The following PHC3 variants were observed in gnomAD, a reference collection of about 807,000 sequenced individuals.
PHC3 encodes the protein polyhomeotic-like protein 3.
PHC3 carries 13 observed loss-of-function variants against 107.4 expected under a neutral mutation model. That is an observed-to-expected ratio of 0.12 (90% CI 0.08 to 0.19). The LOEUF is 0.19. Among genes scored for constraint, PHC3 ranks in the 10% least tolerant of loss-of-function variants. The pLI, the probability that PHC3 is intolerant of heterozygous loss-of-function variation, is 1.00. For missense variants in PHC3, 992 were observed against 1,210.9 expected, an observed-to-expected ratio of 0.82 and a Z score of 2.68; for synonymous variants, 456 against 427.4, an observed-to-expected ratio of 1.07 and a Z score of -0.83.
chr3:170,127,174 T>C (rs185828089), intron 8 of PHC3, among the ~76,000 whole-genome samples: 62 of 152,300 alleles, frequency 4.1e-4, no homozygotes, highest in African/African-American at 1.3e-3. Flanking sequence ...ATAAACTTTT[T>C]AAAAATTTTT....
chr3:170,110,079 A>G (rs1233663748), intron 11 of PHC3, among the ~76,000 whole-genome samples: 1 of 152,136 alleles, frequency 6.6e-6, no homozygotes, highest in African/African-American at 2.4e-5. Flanking sequence ...TCCTGCTGAT[A>G]TGATAACATC....
At chr3:170,171,066 A>C in intron 4 of PHC3, 1 of 401,346 alleles carries the variant, frequency 2.5e-6, no homozygotes, top group Non-Finnish European at 4.4e-6. Flanking sequence ...CATGGCCAAT[A>C]TCCCTGCATT....
rs1164901796 is a variant in PHC3 at position 170,093,467 on chromosome 3, G to A, written c.*3763C>T. On this transcript the variant is annotated 3_prime_UTR_variant, in exon 15 of 15. Transcript: ENST00000495893. ...TACATCTTTAAAACATTTTAACAGT[G>A]TGTCCAGTCAGTTTCATCCACTGGA... 1 of 152,180 alleles carries A rather than the reference G, an allele frequency of 6.6e-6. No homozygotes were observed. The highest frequency in any genetic ancestry group is 1.5e-5 in the Non-Finnish European group (1 of 68,044). The allele number at this position is 152,180 out of a possible 1,614,324, so 9.4% of individuals were successfully genotyped here. A position where few individuals can be genotyped will look rare whatever the true frequency, so the allele number is the denominator to read the frequency against.
chr3:170,134,480 G>A (rs1055792470), intron 7 of PHC3, among the ~76,000 whole-genome samples: 1 of 152,038 alleles, frequency 6.6e-6, no homozygotes, highest in Non-Finnish European at 1.5e-5. Flanking sequence ...GTGAGCTACC[G>A]CGCCCAGCTT....
At chr3:170,128,370 C>G (rs1721693118) in intron 8 of PHC3, 1 of 1,316,470 alleles carries the variant, frequency 7.6e-7, no homozygotes, top group African/African-American at 1.5e-5. Flanking sequence ...GCAGATGACA[C>G]TGGTTCAAAT....
chr3:170,102,529 G>T lies in PHC3; in HGVS notation c.2783C>A (p.Pro928Gln). 6.2e-7 allele frequency: 1 copy of T among 1,613,788 alleles called. No homozygotes were observed. Among genetic ancestry groups the T allele is most frequent in the Non-Finnish European group, 8.5e-7 (1 of 1,179,822 alleles). The change falls in exon 14 of 15, where the codon CCA becomes CAA. Residue 928 changes from proline to glutamine, a missense_variant. Around this residue, in one of 6 missense-constraint regions of PHC3, gnomAD observed 228 missense variants for 288.8 expected, o/e 0.79. Transcript: ENST00000495893. ...GACATCATCAACTGTCCATATAGAT[G>T]GCTCTGTTTGTGCAACTGGTAGCAA... Reference protein sequence around the residue: ...SDLLPVAQTEPSIWTVDDVWA... With the variant: ...SDLLPVAQTEQSIWTVDDVWA...
intron 8 of PHC3, among the ~76,000 whole-genome samples, chr3:170,124,187 C>A (rs1720897780): frequency 6.6e-6 from 1 of 152,038 alleles, no homozygotes; most frequent in Admixed American, 6.5e-5. Context: ...AAGAACACTT[C>A]TAGAGGTTGA....
Position 170,117,327 on chromosome 3 carries a change from G to A in PHC3, c.2092C>T (p.Pro698Ser), listed in dbSNP as rs1320237643. The A allele has an allele frequency of 3.1e-6, 5 of 1,613,800 alleles. No individual in the cohort carries two copies. Among genetic ancestry groups the A allele is most frequent in the Non-Finnish European group, 4.2e-6 (5 of 1,179,880 alleles). Residue 698 changes from proline (P) to serine (S), a missense_variant, in exon 10 of 15, where the codon CCC becomes TCC. Physicochemically the swap from Pro to Ser is moderately conservative, Grantham distance 74. This residue lies in a region of PHC3 where 543 missense variants were observed against 590.8 expected (regional missense o/e 0.92). Coordinates refer to ENST00000495893, the MANE Select transcript of PHC3 (RefSeq NM_024947.4). Reference protein sequence around the residue: ...SNSTSMHSSIPSIENKPPQAI... With the variant: ...SNSTSMHSSISSIENKPPQAI... The stretch of plus-strand genomic sequence containing the variant: ...TGTGGAGGTTTGTTCTCTATACTGG[G>A]AATGCTACTGTGCATAGATGTACTG...
chr3:170,140,490 G>T (rs750378560), intron 6 of PHC3, among the ~76,000 whole-genome samples: 7 of 150,804 alleles, frequency 4.6e-5, no homozygotes, highest in African/African-American at 1.7e-4. Context: ...CTGGCCTCAA[G>T]TGATCCACCC....
At chr3:170,099,983 G>A (rs1449754002) in intron 14 of PHC3, among the ~76,000 whole-genome samples, 1 of 152,148 alleles carries the variant, frequency 6.6e-6, no homozygotes, top group Non-Finnish European at 1.5e-5. Context: ...TTGAAAATAA[G>A]AATTATTCCT....
In PHC3 at chr3:170,115,570, A is replaced by G. The variant is rs199884037; in HGVS notation, c.2193+1656T>C. Among the ~76,000 whole-genome samples the G allele has an allele frequency of 1.4e-4, 21 of 152,328 alleles. No homozygotes were observed. In the East Asian group the frequency reaches 3.3e-3, roughly 24 times the overall value. ...ATCATTTGCCCTGTACATTTCCCAAATCTTCCATTTAGAACATGTATTAGT... is the reference window on the plus strand; with the variant it reads ...ATCATTTGCCCTGTACATTTCCCAAGTCTTCCATTTAGAACATGTATTAGT... On this transcript the variant is annotated intron_variant, in intron 10 of 14. Coordinates refer to ENST00000495893, the MANE Select transcript of PHC3 (RefSeq NM_024947.4).
intron 6 of PHC3, among the ~76,000 whole-genome samples, chr3:170,140,797 C>T (rs1022215182): frequency 6.6e-6 from 1 of 151,554 alleles, no homozygotes; most frequent in Admixed American, 6.6e-5. Flanking sequence ...GGGATTTCAC[C>T]ATGTTGGCCA....
At chr3:170,175,623 GAA>G (rs1243372877) in intron 2 of PHC3, among the ~76,000 whole-genome samples, 2 of 109,826 alleles carry the variant, frequency 1.8e-5, no homozygotes, top group Non-Finnish European at 3.8e-5. Context: ...AGGGAGAGAA[GAA>G]AAAAAAAAAA....
intron 6 of PHC3, among the ~76,000 whole-genome samples, chr3:170,137,317 G>A (rs1723259050): frequency 6.6e-6 from 1 of 152,072 alleles, no homozygotes; most frequent in African/African-American, 2.4e-5. Context: ...GGTGGCTCCT[G>A]CTACACTCAG....
chr3:170,177,666 A>ATT (rs67401455), intron 2 of PHC3, among the ~76,000 whole-genome samples: 1,548 of 101,896 alleles, frequency 0.015, 49 homozygotes, highest in East Asian at 0.087. Flanking sequence ...CACGCCCAGC[A>ATT]TTTTTTTTTT....
rs575538013 is a variant in PHC3 at position 170,099,026 on chromosome 3, C to CA, written c.2834-1643dup. ...GAAAGAACTAATGTTCTTCTCTCTTCAGTCTTACTTACAAGAACACAGGAA... is the reference window on the plus strand; with the variant it reads ...GAAAGAACTAATGTTCTTCTCTCTTCAAGTCTTACTTACAAGAACACAGGAA... On this transcript the variant is annotated intron_variant, in intron 14 of 14. Coordinates refer to ENST00000495893, the MANE Select transcript of PHC3 (RefSeq NM_024947.4). Among the ~76,000 whole-genome samples the CA allele has an allele frequency of 2.0e-4, 30 of 152,182 alleles. No homozygotes were observed. In the Middle Eastern group the frequency reaches 0.014, roughly 69 times the overall value.
intron 1 of PHC3, among the ~76,000 whole-genome samples, chr3:170,181,079 G>A (rs1442823972): frequency 1.3e-5 from 2 of 152,236 alleles, no homozygotes; most frequent in Non-Finnish European, 2.9e-5. Context: ...GTGTGAGGCA[G>A]CAACGCTGCA....
At chr3:170,147,028 G>A (rs1188165901) in intron 5 of PHC3, among the ~76,000 whole-genome samples, 1 of 151,600 alleles carries the variant, frequency 6.6e-6, no homozygotes, top group East Asian at 1.9e-4. Context: ...GATTACAAGC[G>A]TGAGTAATTT....
chr3:170,120,059 T>C (rs1352223415), intron 9 of PHC3, among the ~76,000 whole-genome samples: 2 of 152,220 alleles, frequency 1.3e-5, no homozygotes, highest in African/African-American at 4.8e-5. Context: ...GTACTATTAG[T>C]AATGCTTATT....
Sources: allele counts gnomAD v4.1 joint callset (sites outside exome capture counted in the v4.1 genomes callset), GRCh38; gene constraint gnomAD v4.1.1; regional missense constraint gnomAD v4.1.1; transcripts MANE v1.5; gene names NCBI Gene and HGNC (gene_info 2026-07-23, HGNC 2026-07-21).